ZNF428: variants seen among roughly 807,000 people sequenced by gnomAD.
The protein encoded by ZNF428 is zinc finger protein 428.
In ZNF428, 5 loss-of-function variants were observed where a neutral mutation model predicts 15.6. The ratio of observed to expected loss-of-function variants is 0.32; its 90% CI spans 0.17 to 0.67. The LOEUF (loss-of-function observed/expected upper bound fraction) is 0.67. Ranked by LOEUF, ZNF428 falls within the 30% of genes least tolerant of loss-of-function variation. ZNF428 has a pLI of 0.73. For missense variants in ZNF428, 237 were observed against 256.0 expected, an observed-to-expected ratio of 0.93 and a Z score of 0.51; for synonymous variants, 97 against 102.2, an observed-to-expected ratio of 0.95 and a Z score of 0.31.
intron 1 of ZNF428, among the ~76,000 whole-genome samples, chr19:43,617,923 G>A (rs1050393699): frequency 1.3e-5 from 2 of 151,678 alleles, no homozygotes; most frequent in African/African-American, 2.4e-5. Context: ...GCGCAGTAGC[G>A]CGATCTCGGC....
chr19:43,615,907 C>G (rs1443533102), intron 1 of ZNF428, among the ~76,000 whole-genome samples: 4 of 152,174 alleles, frequency 2.6e-5, no homozygotes, highest in African/African-American at 9.7e-5. Context: ...CTCTCCAAAC[C>G]CAGTCCTCTT....
rs146589266 is a variant in ZNF428 at position 43,611,439 on chromosome 19, C to A, written c.76+2790G>T. Among the ~76,000 whole-genome samples, 494 of 152,142 alleles carry A rather than the reference C, an allele frequency of 3.2e-3. 3 individuals carry two copies. Among genetic ancestry groups the A allele is most frequent in the Middle Eastern group, 6.8e-3 (2 of 294 alleles). On this transcript the variant is annotated intron_variant, in intron 2 of 2. Transcript: ENST00000300811. ...GGTTCAAGCGATCCTCCCACCTCAG[C>A]CTCCCAAGTAGCTGGGATTACAAGC...
intron 1 of ZNF428, among the ~76,000 whole-genome samples, chr19:43,616,175 T>C (rs1973369816): frequency 6.6e-6 from 1 of 152,106 alleles, no homozygotes. Context: ...AATATATTTA[T>C]ATATATAATA....
rs1973338863 is a variant in ZNF428, at chr19:43,613,788, A to C, written c.76+441T>G. On this transcript the variant is annotated intron_variant, in intron 2 of 2. Transcript: ENST00000300811. Reference sequence around the variant, plus strand: ...TCTAGAAGCCCCAGCGAGGAGAGAGAGCACAGACAATCCAGAAGCCCCAGC... The same window carrying C: ...TCTAGAAGCCCCAGCGAGGAGAGAGCGCACAGACAATCCAGAAGCCCCAGC... The C allele has an allele frequency of 1.9e-6, 3 of 1,549,860 alleles. No homozygotes were observed. In the South Asian group the frequency reaches 3.6e-5, roughly 18 times the overall value.
Position 43,607,479 on chromosome 19 carries a change from G to A in ZNF428, c.*138C>T, listed in dbSNP as rs1481283076. 1.5e-5 allele frequency: 17 copies of A among 1,125,898 alleles called. No individual in the cohort carries two copies. Among genetic ancestry groups the A allele is most frequent in the Non-Finnish European group, 2.1e-5 (17 of 817,948 alleles). The allele number at this position is 1,125,898 out of a possible 1,614,324, so 69.7% of individuals were successfully genotyped here. Reference sequence around the variant, plus strand: ...AGATACAGATTTTGGCTTTTATTCTGGCCATCACACATCTACTTCTAAGAC... The same window carrying A: ...AGATACAGATTTTGGCTTTTATTCTAGCCATCACACATCTACTTCTAAGAC... On this transcript the variant is annotated 3_prime_UTR_variant, in exon 3 of 3. Coordinates refer to ENST00000300811, the MANE Select transcript of ZNF428 (RefSeq NM_182498.4). This position sits in a 1 kb window ranked among gnomAD's most constrained non-coding sequence, Gnocchi z 5.1.
chr19:43,607,530 C>T lies in ZNF428; in HGVS notation c.*87G>A, dbSNP rs765887082. On this transcript the variant is annotated 3_prime_UTR_variant, in exon 3 of 3. Coordinates refer to ENST00000300811, the MANE Select transcript of ZNF428 (RefSeq NM_182498.4). This position sits in a 1 kb window ranked among gnomAD's most constrained non-coding sequence, Gnocchi z 5.1. Reference sequence around the variant, plus strand: ...AACACAGACCGGCAGTACCCCATCCCCCATGACCACTGTCACAACCCCAAT... The same window carrying T: ...AACACAGACCGGCAGTACCCCATCCTCCATGACCACTGTCACAACCCCAAT... 90 of 1,468,614 alleles carry T rather than the reference C, an allele frequency of 6.1e-5. No homozygotes were observed. The highest frequency in any genetic ancestry group is 8.1e-5 in the Non-Finnish European group (89 of 1,101,084). The allele number at this position is 1,468,614 out of a possible 1,614,324, so 91.0% of individuals were successfully genotyped here. A position where few individuals can be genotyped will look rare whatever the true frequency, so the allele number is the denominator to read the frequency against.
chr19:43,611,303 C>T (rs144288847), intron 2 of ZNF428, among the ~76,000 whole-genome samples: 143 of 151,768 alleles, frequency 9.4e-4, no homozygotes, highest in African/African-American at 3.4e-3. Flanking sequence ...CTCTGCTCCT[C>T]GCCCACCTGG....
intron 1 of ZNF428, 92 bp from the exon 2 acceptor site, chr19:43,614,526 G>C (rs1973352899): frequency 7.8e-7 from 1 of 1,275,656 alleles, no homozygotes; most frequent in Non-Finnish European, 1.0e-6. Context: ...CTCACTGCTG[G>C]CATGGGGCAC....
rs755881478 is a variant in ZNF428, at chr19:43,608,075, G to T, written c.109C>A (p.Leu37Ile). The change falls in exon 3 of 3, where the codon CTC becomes ATC. Residue 37 changes from leucine to isoleucine, a missense_variant. Coordinates refer to ENST00000300811, the MANE Select transcript of ZNF428 (RefSeq NM_182498.4). ...TCCTCTTCGGAGTCCGGCTCTGAGA[G>T]AGTGTATTCTGAATCAGAGGAATGC... ...PEHSSDSEYT[L>I]SEPDSEEEED... is the part of the protein sequence containing the mutation. 5.0e-6 allele frequency: 8 copies of T among 1,613,896 alleles called. No homozygotes were observed. Among genetic ancestry groups the T allele is most frequent in the Non-Finnish European group, 6.8e-6 (8 of 1,179,944 alleles).
chr19:43,614,533 G>A, intron 1 of ZNF428, 99 bp from the exon 2 acceptor site: 4 of 1,144,704 alleles, frequency 3.5e-6, no homozygotes, highest in Non-Finnish European at 4.7e-6. Flanking sequence ...CTGGCATGGG[G>A]CACAGAGGAC....
At chr19:43,615,186 C>T (rs1973360104) in intron 1 of ZNF428, among the ~76,000 whole-genome samples, 1 of 152,068 alleles carries the variant, frequency 6.6e-6, no homozygotes, top group African/African-American at 2.4e-5. Context: ...ATTCTGTGAC[C>T]AAATGTGTGG....
At chr19:43,613,671 AAG>A (rs1250113295) in intron 2 of ZNF428, 11 of 1,550,532 alleles carry the variant, frequency 7.1e-6, no homozygotes, top group African/African-American at 5.5e-5. Flanking sequence ...AGCTCCAGCA[AAG>A]AGAGAGATCA....
intron 1 of ZNF428, among the ~76,000 whole-genome samples, chr19:43,617,156 T>A (rs1446595522): frequency 6.6e-6 from 1 of 151,952 alleles, no homozygotes; most frequent in Non-Finnish European, 1.5e-5. Context: ...ACCACAAACA[T>A]AAGAACCTCT....
At chr19:43,613,848 G>C in intron 2 of ZNF428, 1 of 1,551,294 alleles carries the variant, frequency 6.4e-7, no homozygotes, top group African/African-American at 1.4e-5. Flanking sequence ...AGAAGCCCCA[G>C]CAAGGAGAGA....
Position 43,614,509 on chromosome 19 carries a change from C to G in ZNF428, c.-130-75G>C. On this transcript the variant is annotated intron_variant, in intron 1 of 2. Coordinates refer to ENST00000300811, the MANE Select transcript of ZNF428 (RefSeq NM_182498.4). ...TAGCACCCATCCCCACCAAGCCCAA[C>G]TGTGTGCTCACTGCTGGCATGGGGC... 4 of 1,369,734 alleles carry G rather than the reference C, an allele frequency of 2.9e-6. No individual in the cohort carries two copies. In the South Asian group the frequency reaches 6.5e-5, roughly 22 times the overall value. 84.8% of individuals were successfully genotyped at this position (1,369,734 alleles called of 1,614,324 possible).
At chr19:43,608,984 A>G (rs1973268110) in intron 2 of ZNF428, among the ~76,000 whole-genome samples, 2 of 152,236 alleles carry the variant, frequency 1.3e-5, no homozygotes, top group Non-Finnish European at 1.5e-5. Flanking sequence ...GATTGATTGC[A>G]AAAGAAAACA....
intron 1 of ZNF428, 108 bp from the exon 2 acceptor site, chr19:43,614,542 ACC>A: frequency 9.8e-7 from 1 of 1,020,028 alleles, no homozygotes; most frequent in Non-Finnish European, 1.3e-6. Flanking sequence ...GGCACAGAGG[ACC>A]CCAGCTCTGT....
chr19:43,614,591 C>A (rs570693161), intron 1 of ZNF428, 157 bp from the exon 2 acceptor site: 10 of 510,380 alleles, frequency 2.0e-5, no homozygotes, highest in African/African-American at 1.6e-4. Flanking sequence ...GCAAGCCCTG[C>A]CCCTCTCTAG....
rs768244487 is a variant in ZNF428 at position 43,611,325 on chromosome 19, ATT to A, written c.76+2902_76+2903del. The stretch of plus-strand genomic sequence containing the variant: ...CCTCGCCCACCTGGTTGACCCGTTC[ATT>A]TTTTTTTTTTTCGAGAGAGAGTCTC... On this transcript the variant is annotated intron_variant, in intron 2 of 2. Transcript: ENST00000300811. Among the ~76,000 whole-genome samples the A allele has an allele frequency of 9.7e-3, 1,364 of 140,370 alleles. 15 individuals carry two copies. Among genetic ancestry groups the A allele is most frequent in the African/African-American group, 0.033 (1,265 of 38,260 alleles). 92.1% of individuals were successfully genotyped at this position (140,370 alleles called of 152,430 possible).
Sources: gnomAD v4.1 joint callset for allele counts (sites outside exome capture counted in the v4.1 genomes callset) on GRCh38, gnomAD v4.1.1 for gene constraint, Gnocchi (gnomAD v3.1) non-coding constraint, MANE v1.5 for transcripts, NCBI Gene and HGNC (gene_info 2026-07-23, HGNC 2026-07-21) for gene names.